The following ZMYM2 variants were observed in gnomAD, a reference collection of about 807,000 sequenced individuals.
ZMYM2 encodes the protein zinc finger MYM-type protein 2.
In ZMYM2, 56 loss-of-function variants were observed where a neutral mutation model predicts 162.8. The observed-to-expected ratio is 0.34, with a 90% CI of 0.28 to 0.43. ZMYM2 has a LOEUF of 0.43. Ranked by LOEUF, ZMYM2 falls within the 20% of genes least tolerant of loss-of-function variation. ZMYM2 has a pLI of 1.00. For synonymous variants in ZMYM2, 510 were observed against 541.6 expected, an observed-to-expected ratio of 0.94 and a Z score of 0.81; for missense variants, 1,275 against 1,621.8, an observed-to-expected ratio of 0.79 and a Z score of 3.67.
At chr13:19,928,789 T>A in the ZMYM2 span, among the ~76,000 whole-genome samples, 1 of 146,432 alleles carries the variant, frequency 6.8e-6, no homozygotes, top group South Asian at 2.2e-4. Context: ...AGAGTGAGAC[T>A]CTGTCTCAAA....
rs548449405 is a variant in ZMYM2 at position 20,030,825 on chromosome 13, C to T, written c.1852-494C>T. 5.9e-5 allele frequency among the ~76,000 whole-genome samples: 9 copies of T among 152,264 alleles called. No homozygotes were observed. In the South Asian group the frequency reaches 8.3e-4, roughly 14 times the overall value. ...CTAGAATTACAGATGTGAGCCACTG[C>T]GCCTGGCCAACATAGGCCTATTTCA... On this transcript the variant is annotated intron_variant, in intron 9 of 24. Transcript: ENST00000610343.
At chr13:19,909,041 CTCAG>C in the ZMYM2 span, among the ~76,000 whole-genome samples, 1 of 152,188 alleles carries the variant, frequency 6.6e-6, no homozygotes, top group Non-Finnish European at 1.5e-5. Context: ...GATGTAAAGA[CTCAG>C]TCAATGTTTA....
chr13:20,018,024 G>A (rs980795001), intron 6 of ZMYM2, among the ~76,000 whole-genome samples: 14 of 152,066 alleles, frequency 9.2e-5, no homozygotes, highest in African/African-American at 3.1e-4. Context: ...TAAAAGGTCG[G>A]CCTCTCTACT....
intron 2 of ZMYM2, among the ~76,000 whole-genome samples, chr13:19,990,869 A>G (rs536510257): frequency 5.3e-5 from 8 of 152,106 alleles, no homozygotes; most frequent in African/African-American, 2.4e-5. Context: ...AATTTAATCT[A>G]TAGTCTATAC....
rs1242167501 is a variant in ZMYM2, at chr13:19,995,991, AAAAAC to A, written c.847+2081_847+2085del. The stretch of plus-strand genomic sequence containing the variant: ...GGGTGACAAAGTGAGACCCTGTCTC[AAAAAC>A]AAAACAAACTCTGTGACTTTTTCAT... On this transcript the variant is annotated intron_variant, in intron 3 of 24. Transcript: ENST00000610343. Among the ~76,000 whole-genome samples, 4 of 152,052 alleles carry A rather than the reference AAAAAC, an allele frequency of 2.6e-5. No individual in the cohort carries two copies. The East Asian group carries it at 7.7e-4, about 29-fold the overall frequency.
At chr13:19,914,204 CA>C in the ZMYM2 span, among the ~76,000 whole-genome samples, 1 of 152,046 alleles carries the variant, frequency 6.6e-6, no homozygotes, top group Non-Finnish European at 1.5e-5. Context: ...TCTGAATGGG[CA>C]AAAAATGTGA....
the ZMYM2 span, among the ~76,000 whole-genome samples, chr13:19,927,156 TTC>T: frequency 2.0e-5 from 3 of 152,182 alleles, no homozygotes; most frequent in Non-Finnish European, 4.4e-5. Flanking sequence ...TTTATTTAGT[TTC>T]TCTCTTTTTC....
the ZMYM2 span, among the ~76,000 whole-genome samples, chr13:19,881,071 T>C: frequency 1.4e-4 from 21 of 151,698 alleles, no homozygotes; most frequent in Non-Finnish European, 2.8e-4. Context: ...GTATTTTTAG[T>C]AGAGAGGGCA....
chr13:20,027,954 T>G (rs1952735043), intron 9 of ZMYM2: 1 of 176,062 alleles, frequency 5.7e-6, no homozygotes, highest in Non-Finnish European at 1.2e-5. Flanking sequence ...GTGATACGAT[T>G]AGGTTTACCT....
At chr13:19,935,858 A>G in the ZMYM2 span, among the ~76,000 whole-genome samples, 212 of 152,310 alleles carry the variant, frequency 1.4e-3, 1 homozygote, top group Middle Eastern at 0.017. Context: ...TTCTGGAAAT[A>G]AATAATGACT....
At chr13:19,989,131 A>G (rs1322037671) in intron 2 of ZMYM2, among the ~76,000 whole-genome samples, 3 of 152,194 alleles carry the variant, frequency 2.0e-5, no homozygotes, top group Non-Finnish European at 2.9e-5. Context: ...ATGTACAAAT[A>G]TATATACTTC....
At chr13:20,007,912 C>T (rs1194419126) in intron 6 of ZMYM2, among the ~76,000 whole-genome samples, 4 of 151,680 alleles carry the variant, frequency 2.6e-5, no homozygotes, top group African/African-American at 9.7e-5. Flanking sequence ...TGAGCTACCA[C>T]ACCTGGCCTT....
At chr13:19,959,224 A>T (rs896199210) in intron 1 of ZMYM2, among the ~76,000 whole-genome samples, 1 of 119,554 alleles carries the variant, frequency 8.4e-6, no homozygotes, top group Admixed American at 8.5e-5. Flanking sequence ...CCGCCCGGGG[A>T]GGTCGCGGGG....
the ZMYM2 span, among the ~76,000 whole-genome samples, chr13:19,893,130 A>G: frequency 5.3e-5 from 8 of 151,768 alleles, no homozygotes; most frequent in African/African-American, 1.5e-4. Flanking sequence ...TGAACTGTAC[A>G]CTTAAAAATG....
the ZMYM2 span, among the ~76,000 whole-genome samples, chr13:19,873,882 T>C: frequency 5.9e-5 from 9 of 152,170 alleles, no homozygotes; most frequent in Non-Finnish European, 1.3e-4. Context: ...CCCAACCCCA[T>C]GCCTGGCACC....
At chr13:20,020,877 A>G (rs958710243) in intron 7 of ZMYM2, among the ~76,000 whole-genome samples, 8 of 151,664 alleles carry the variant, frequency 5.3e-5, no homozygotes, top group Admixed American at 2.6e-4. Flanking sequence ...TCTCTTTTGT[A>G]TCTTCTATTT....
At chr13:20,071,585 C>T (rs1470862530) in intron 21 of ZMYM2, among the ~76,000 whole-genome samples, 2 of 152,226 alleles carry the variant, frequency 1.3e-5, no homozygotes, top group Admixed American at 1.3e-4. Context: ...AAGGGATGGT[C>T]CCTGCTTGGC....
At chr13:19,867,123 C>T in the ZMYM2 span, among the ~76,000 whole-genome samples, 357 of 152,174 alleles carry the variant, frequency 2.3e-3, 1 homozygote, top group Middle Eastern at 3.4e-3. Flanking sequence ...GAAGCTGAGG[C>T]GGGTGGATCA....
chr13:20,010,232 G>C (rs543802672), intron 6 of ZMYM2, among the ~76,000 whole-genome samples: 1 of 152,162 alleles, frequency 6.6e-6, no homozygotes, highest in South Asian at 2.1e-4. Flanking sequence ...GTCTCGCTCT[G>C]TTACCCAGGT....
Sources: allele counts gnomAD v4.1 joint callset (sites outside exome capture counted in the v4.1 genomes callset), GRCh38; gene constraint gnomAD v4.1.1; transcripts MANE v1.5; gene names NCBI Gene and HGNC (gene_info 2026-07-23, HGNC 2026-07-21).